The following RFX6 variants were observed in gnomAD, a reference collection of about 807,000 sequenced individuals.
The protein encoded by RFX6 is DNA-binding protein RFX6.
Under a neutral mutation model 110.8 loss-of-function variants are expected in RFX6, and 50 were observed. The ratio of observed to expected loss-of-function variants is 0.45; its 90% CI spans 0.36 to 0.57. The LOEUF (loss-of-function observed/expected upper bound fraction) is 0.57. Among genes scored for constraint, RFX6 ranks in the 20% least tolerant of loss-of-function variants. The pLI is 0.00. For synonymous variants in RFX6, 383 were observed against 411.2 expected, an observed-to-expected ratio of 0.93 and a Z score of 0.83; for missense variants, 990 against 1,127.0, an observed-to-expected ratio of 0.88 and a Z score of 1.74.
chr6:116,883,341 T>G (rs1017141578), intron 4 of RFX6, among the ~76,000 whole-genome samples: 4 of 152,092 alleles, frequency 2.6e-5, no homozygotes, highest in African/African-American at 9.7e-5. Flanking sequence ...CATAGTACTA[T>G]CTAGGCCCTC....
Position 116,880,759 on chromosome 6 carries a change from G to C in RFX6, c.504+92G>C, listed in dbSNP as rs1260505402. ...GAATTCATCTGTGCAAGTTCTCTTA[G>C]AGAATATTGAGACATTTGTTTTGCA... On this transcript the variant is annotated intron_variant, in intron 3 of 18. Transcript: ENST00000332958. The C allele has an allele frequency of 2.2e-6, 3 of 1,345,010 alleles. No homozygotes were observed. In the African/African-American group the frequency reaches 4.3e-5, roughly 19 times the overall value. The allele number at this position is 1,345,010 out of a possible 1,614,324, so 83.3% of individuals were successfully genotyped here.
chr6:116,898,318 T>C (rs1359766858), intron 6 of RFX6, among the ~76,000 whole-genome samples: 1 of 151,922 alleles, frequency 6.6e-6, no homozygotes, highest in Non-Finnish European at 1.5e-5. Flanking sequence ...GGAAAGGACT[T>C]GGGATTTGGG....
Position 116,931,322 on chromosome 6 carries a change from C to A in RFX6, c.2612-9C>A. 6.2e-7 allele frequency: 1 copy of A among 1,600,232 alleles called. No homozygotes were observed. Among genetic ancestry groups the A allele is most frequent in the Non-Finnish European group, 8.6e-7 (1 of 1,167,504 alleles). Reference sequence around the variant, plus strand: ...AATTTTCAATTGCTGATTATATTTTCCCTTACAGCTTCCAGTTTGCAAACC... The same window carrying A: ...AATTTTCAATTGCTGATTATATTTTACCTTACAGCTTCCAGTTTGCAAACC... On this transcript the variant is annotated splice_polypyrimidine_tract_variant and intron_variant, in intron 18 of 18. Transcript: ENST00000332958.
chr6:116,901,626 C>G (rs752442784), intron 6 of RFX6, among the ~76,000 whole-genome samples: 4 of 152,136 alleles, frequency 2.6e-5, no homozygotes, highest in Non-Finnish European at 5.9e-5. Flanking sequence ...TTGAATACCA[C>G]CCCTTGCCAA....
rs1562149885 is a variant in RFX6, at chr6:116,928,795, A to C, written c.2435A>C (p.His812Pro). The C allele has an allele frequency of 1.2e-6, 2 of 1,613,918 alleles. No homozygotes were observed. The highest frequency in any genetic ancestry group is 1.6e-4 in the Middle Eastern group (1 of 6,062). The change falls in exon 18 of 19, where the codon CAC becomes CCC. Residue 812 changes from histidine to proline, a missense_variant. Physicochemically the swap from His to Pro is moderately conservative, Grantham distance 77. This residue lies in a region of RFX6 where 438 missense variants were observed against 441.9 expected (regional missense o/e 0.99). Coordinates refer to ENST00000332958, the MANE Select transcript of RFX6 (RefSeq NM_173560.4). Reference sequence around the variant, plus strand: ...AGCAACATAAACTACCCAGAGTCTCACAGGCTCGGATCAATGGTGAATCAG... The same window carrying C: ...AGCAACATAAACTACCCAGAGTCTCCCAGGCTCGGATCAATGGTGAATCAG... ...YGSNINYPES[H>P]RLGSMVNQHV...
At chr6:116,915,949 A>T in intron 7 of RFX6, 59 bp from the exon 8 acceptor site, 1 of 1,148,338 alleles carries the variant, frequency 8.7e-7, no homozygotes, top group Non-Finnish European at 1.3e-6. Context: ...TGAACAAATT[A>T]ACAAGAAAAG....
chr6:116,882,532 C>G, intron 4 of RFX6, 104 bp downstream of exon 4: 1 of 807,718 alleles, frequency 1.2e-6, no homozygotes, highest in Admixed American at 1.9e-5. Context: ...ACCAGGTATT[C>G]TCTTGATGAA....
rs1024924204 is a variant in RFX6 at position 116,918,029 on chromosome 6, T to C, written c.973-8T>C. On this transcript the variant is annotated splice_region_variant and splice_polypyrimidine_tract_variant and intron_variant, in intron 9 of 18. Coordinates refer to ENST00000332958, the MANE Select transcript of RFX6 (RefSeq NM_173560.4). ...AGATTTGTATTAACCTCTTTTGCTA[T>C]GATTAAGGTTCTTACAGATGTACTC... is the stretch of plus-strand genomic sequence containing the variant. 4 of 1,593,816 alleles carry C rather than the reference T, an allele frequency of 2.5e-6. No homozygotes were observed. The highest frequency in any genetic ancestry group is 3.4e-6 in the Non-Finnish European group (4 of 1,162,876).
intron 3 of RFX6, among the ~76,000 whole-genome samples, 175 bp from the exon 4 acceptor site, chr6:116,882,192 C>T (rs1386412308): frequency 6.6e-6 from 1 of 152,088 alleles, no homozygotes; most frequent in Non-Finnish European, 1.5e-5. Flanking sequence ...TACCTCCCTG[C>T]CTCTGCTGAT....
In RFX6 at chr6:116,931,877, C is replaced by T. The variant is rs1320548341; in HGVS notation, c.*371C>T. On this transcript the variant is annotated 3_prime_UTR_variant, in exon 19 of 19. Transcript: ENST00000332958. ...TTAAAAAGTATATTTAATGCCTTTACAATACCTTTAATTTATTAGGATCTC... is the reference window on the plus strand; with the variant it reads ...TTAAAAAGTATATTTAATGCCTTTATAATACCTTTAATTTATTAGGATCTC... 1 of 194,430 alleles carries T rather than the reference C, an allele frequency of 5.1e-6. No individual in the cohort carries two copies. Among genetic ancestry groups the T allele is most frequent in the Non-Finnish European group, 1.1e-5 (1 of 94,164 alleles). The allele number at this position is 194,430 out of a possible 1,614,324, so 12.0% of individuals were successfully genotyped here. A position where few individuals can be genotyped will look rare whatever the true frequency, so the allele number is the denominator to read the frequency against.
intron 6 of RFX6, among the ~76,000 whole-genome samples, chr6:116,905,255 A>G (rs1366243920): frequency 6.6e-6 from 1 of 152,160 alleles, no homozygotes; most frequent in Non-Finnish European, 1.5e-5. Context: ...GTGATGTGGT[A>G]TCTCATTTAG....
intron 18 of RFX6, among the ~76,000 whole-genome samples, chr6:116,930,138 A>T (rs1275546154): frequency 1.3e-5 from 2 of 152,220 alleles, no homozygotes. Context: ...AGTAGGGTGG[A>T]GTCTAAGCTT....
chr6:116,897,073 G>A (rs888204576), intron 6 of RFX6, among the ~76,000 whole-genome samples: 2 of 152,136 alleles, frequency 1.3e-5, no homozygotes, highest in Non-Finnish European at 2.9e-5. Context: ...GGTGTCATGG[G>A]AGTAACTAGG....
At chr6:116,926,357 C>T (rs1775733257) in intron 16 of RFX6, among the ~76,000 whole-genome samples, 1 of 152,168 alleles carries the variant, frequency 6.6e-6, no homozygotes, top group South Asian at 2.1e-4. Context: ...ATAATTCTCC[C>T]TTTTGGTCTA....
intron 14 of RFX6, among the ~76,000 whole-genome samples, chr6:116,923,706 A>T (rs1031845142): frequency 6.6e-6 from 1 of 152,204 alleles, no homozygotes; most frequent in South Asian, 2.1e-4. Context: ...GCACTCCAGG[A>T]ATCAAAAAAC....
intron 4 of RFX6, among the ~76,000 whole-genome samples, chr6:116,891,144 A>G (rs980166908): frequency 2.0e-5 from 3 of 152,212 alleles, no homozygotes; most frequent in African/African-American, 7.2e-5. Flanking sequence ...GCCATAGACT[A>G]TGGAGGAATT....
chr6:116,882,434 A>G lies in RFX6; in HGVS notation c.566+6A>G, dbSNP rs1402904535. 24 of 1,603,002 alleles carry G rather than the reference A, an allele frequency of 1.5e-5. No individual in the cohort carries two copies. The highest frequency in any genetic ancestry group is 2.0e-5 in the Non-Finnish European group (23 of 1,169,990). The stretch of plus-strand genomic sequence containing the variant: ...GGAACAAGAGGCCATTCAAAGTAAG[A>G]TACCAGTGAACATATTCAGGTTCTG... On this transcript the variant is annotated splice_donor_region_variant and intron_variant, in intron 4 of 18. Transcript: ENST00000332958.
chr6:116,897,998 A>T (rs951246335), intron 6 of RFX6, among the ~76,000 whole-genome samples: 21 of 152,154 alleles, frequency 1.4e-4, no homozygotes, highest in African/African-American at 5.1e-4. Context: ...ACCAAAAAAA[A>T]GTTGTGAAAA....
chr6:116,899,833 A>G (rs1435908805), intron 6 of RFX6, among the ~76,000 whole-genome samples: 2 of 152,192 alleles, frequency 1.3e-5, no homozygotes, highest in Non-Finnish European at 2.9e-5. Flanking sequence ...CACATTGGAA[A>G]CTTCTTCATA....
Sources: allele counts gnomAD v4.1 joint callset (sites outside exome capture counted in the v4.1 genomes callset), GRCh38; gene constraint gnomAD v4.1.1; regional missense constraint gnomAD v4.1.1; transcripts MANE v1.5; gene names NCBI Gene and HGNC (gene_info 2026-07-23, HGNC 2026-07-21).